Variants in ARFGAP2 observed in about 807,000 individuals in gnomAD.
ARFGAP2 encodes ARF GTPase activating protein 2.
A neutral mutation model predicts 71.9 loss-of-function variants in ARFGAP2; 45 were observed. That is an observed-to-expected ratio of 0.63 (90% CI 0.49 to 0.80). ARFGAP2 has a LOEUF of 0.80. Ranked by LOEUF, ARFGAP2 falls within the 30% of genes least tolerant of loss-of-function variation. The probability of loss-of-function intolerance (pLI) is 0.00; values close to 1 mark genes in which losing one functional copy is unlikely to be tolerated. For synonymous variants in ARFGAP2, 248 were observed against 249.2 expected (o/e 1.00, Z 0.05); for missense variants, 633 against 673.9 (o/e 0.94, Z 0.67).
intron 7 of ARFGAP2, chr11:47,173,216 A>G: frequency 1.6e-6 from 1 of 641,376 alleles, no homozygotes; most frequent in African/African-American, 1.8e-5. Context: ...CTTATACACC[A>G]GCCCACCCAG....
intron 10 of ARFGAP2, among the ~76,000 whole-genome samples, chr11:47,168,943 T>A (rs1351674265): frequency 6.6e-6 from 1 of 150,792 alleles, no homozygotes; most frequent in Non-Finnish European, 1.5e-5. Context: ...AAGGAATGGA[T>A]GAAGAAATGC....
At chr11:47,165,877 G>A (rs1952350484) in intron 15 of ARFGAP2, among the ~76,000 whole-genome samples, 2 of 151,748 alleles carry the variant, frequency 1.3e-5, no homozygotes, top group Admixed American at 1.3e-4. Context: ...TTTCGTTTGT[G>A]GTTTTTTTTT....
rs1258962854 is a variant in ARFGAP2, at chr11:47,176,303, G to A, written c.191+213C>T. The A allele has an allele frequency of 1.2e-5, 7 of 600,796 alleles. No homozygotes were observed. The Admixed American group carries it at 1.5e-4, about 13-fold the overall frequency. The allele number at this position is 600,796 out of a possible 1,614,324, so 37.2% of individuals were successfully genotyped here. On this transcript the variant is annotated intron_variant, in intron 2 of 15. Coordinates refer to ENST00000524782, the MANE Select transcript of ARFGAP2 (RefSeq NM_032389.6). ...AGTCTCAAGCCTGACCGTCAAAAAA[G>A]AGGAAGTTTTGGCCCAGAGGCGGAG...
intron 7 of ARFGAP2, chr11:47,172,724 G>A: frequency 7.7e-7 from 1 of 1,298,368 alleles, no homozygotes; most frequent in Non-Finnish European, 1.0e-6. Flanking sequence ...GGCAGGAAGG[G>A]CCCCTTTAGC....
At chr11:47,168,567 C>A (rs2135424142) in intron 10 of ARFGAP2, 1 of 227,724 alleles carries the variant, frequency 4.4e-6, no homozygotes, top group Middle Eastern at 1.8e-3. Context: ...GTCGCCCAGG[C>A]TGGAGTCCAG....
At position 47,168,257 on chromosome 11, in the gene ARFGAP2, C is replaced by T; in HGVS notation, c.942-6G>A. ...GCACGGAGTGGGAGACAGAGCTGCGCAGCAAAGCAGAGCCAGGCATGAGAC... is the reference window on the plus strand; with the variant it reads ...GCACGGAGTGGGAGACAGAGCTGCGTAGCAAAGCAGAGCCAGGCATGAGAC... On this transcript the variant is annotated splice_region_variant and splice_polypyrimidine_tract_variant and intron_variant, in intron 10 of 15. Transcript: ENST00000524782. 1 of 1,613,972 alleles carries T rather than the reference C, an allele frequency of 6.2e-7. No individual in the cohort carries two copies. Among genetic ancestry groups the T allele is most frequent in the Non-Finnish European group, 8.5e-7 (1 of 1,180,002 alleles).
In ARFGAP2 at chr11:47,168,267, G is replaced by A. The variant is rs919231600; in HGVS notation, c.942-16C>T. 2 of 1,613,842 alleles carry A rather than the reference G, an allele frequency of 1.2e-6. No individual in the cohort carries two copies. Among genetic ancestry groups the A allele is most frequent in the Non-Finnish European group, 1.7e-6 (2 of 1,179,994 alleles). ...GGAGACAGAGCTGCGCAGCAAAGCAGAGCCAGGCATGAGACCAAAGGATAG... is the reference window on the plus strand; with the variant it reads ...GGAGACAGAGCTGCGCAGCAAAGCAAAGCCAGGCATGAGACCAAAGGATAG... On this transcript the variant is annotated splice_polypyrimidine_tract_variant and intron_variant, in intron 10 of 15. Coordinates refer to ENST00000524782, the MANE Select transcript of ARFGAP2 (RefSeq NM_032389.6).
intron 7 of ARFGAP2, 108 bp from the exon 8 acceptor site, chr11:47,172,441 G>T: frequency 7.5e-7 from 1 of 1,330,024 alleles, no homozygotes; most frequent in Non-Finnish European, 1.1e-6. Flanking sequence ...ACAGCTTCAG[G>T]CAAGGGAAGG....
In ARFGAP2 at chr11:47,175,262, A is replaced by C. The variant is rs1371577966; in HGVS notation, c.316T>G (p.Tyr106Asp). Residue 106 changes from tyrosine (Y) to aspartate (D), a missense_variant, in exon 4 of 16, where the codon TAT becomes GAT. Physicochemically the swap from Tyr to Asp is radical, Grantham distance 160 (BLOSUM62 -3). Coordinates refer to ENST00000524782, the MANE Select transcript of ARFGAP2 (RefSeq NM_032389.6). ...GCTANDANTK[Y>D]NSRAAQMYRE... The stretch of plus-strand genomic sequence containing the variant: ...TACATCTGGGCAGCTCGGCTATTAT[A>C]TTTGGTGTTGGCATCATTGGCTGTG... 1 of 1,614,024 alleles carries C rather than the reference A, an allele frequency of 6.2e-7. No homozygotes were observed. The highest frequency in any genetic ancestry group is 8.5e-7 in the Non-Finnish European group (1 of 1,180,012).
At position 47,172,636 on chromosome 11, in the gene ARFGAP2, G is replaced by T. The variant is rs1024414418; in HGVS notation, c.620-303C>A. 3 of 1,328,538 alleles carry T rather than the reference G, an allele frequency of 2.3e-6. No homozygotes were observed. The African/African-American group carries it at 4.4e-5, about 20-fold the overall frequency. The allele number at this position is 1,328,538 out of a possible 1,614,324, so 82.3% of individuals were successfully genotyped here. The stretch of plus-strand genomic sequence containing the variant: ...AAGACTGCGAGGCAGGGAGCATATG[G>T]TGAGCACCAGGCTCCGCTTCTAAAG... On this transcript the variant is annotated intron_variant, in intron 7 of 15. Coordinates refer to ENST00000524782, the MANE Select transcript of ARFGAP2 (RefSeq NM_032389.6).
At position 47,164,994 on chromosome 11, in the gene ARFGAP2, G is replaced by T; in HGVS notation, c.*488C>A. Reference sequence around the variant, plus strand: ...TGGCAGCAGCAGCAGCAGCAAGTCCGCAGCCTCTTTCCCCATGGGACGGGT... The same window carrying T: ...TGGCAGCAGCAGCAGCAGCAAGTCCTCAGCCTCTTTCCCCATGGGACGGGT... On this transcript the variant is annotated 3_prime_UTR_variant, in exon 16 of 16. Transcript: ENST00000524782. 6.4e-6 allele frequency: 1 copy of T among 156,120 alleles called. No individual in the cohort carries two copies. Among genetic ancestry groups the T allele is most frequent in the Non-Finnish European group, 1.4e-5 (1 of 70,900 alleles). The allele number at this position is 156,120 out of a possible 1,614,324, so 9.7% of individuals were successfully genotyped here.
At chr11:47,170,517 C>T (rs569255883) in intron 10 of ARFGAP2, among the ~76,000 whole-genome samples, 2 of 152,006 alleles carry the variant, frequency 1.3e-5, no homozygotes, top group South Asian at 4.2e-4. Context: ...CACGGTGGTA[C>T]ACACCTGTAA....
Position 47,165,119 on chromosome 11 carries a change from C to T in ARFGAP2, c.*363G>A. ...TAGAGCCAGCAAAAAAAGCCTTCTACCTTCCGCTTTCCCTACCTGGGGAAA... is the reference window on the plus strand; with the variant it reads ...TAGAGCCAGCAAAAAAAGCCTTCTATCTTCCGCTTTCCCTACCTGGGGAAA... On this transcript the variant is annotated 3_prime_UTR_variant, in exon 16 of 16. Coordinates refer to ENST00000524782, the MANE Select transcript of ARFGAP2 (RefSeq NM_032389.6). The T allele has an allele frequency of 3.7e-6, 1 of 273,456 alleles. No individual in the cohort carries two copies. The highest frequency in any genetic ancestry group is 6.8e-6 in the Non-Finnish European group (1 of 146,348). The allele number at this position is 273,456 out of a possible 1,614,324, so 16.9% of individuals were successfully genotyped here.
In ARFGAP2 at chr11:47,172,082, C is replaced by T. The variant is rs1952622661; in HGVS notation, c.672+199G>A. 5.5e-6 allele frequency: 4 copies of T among 725,488 alleles called. No individual in the cohort carries two copies. The South Asian group carries it at 7.1e-5, about 13-fold the overall frequency. The allele number at this position is 725,488 out of a possible 1,614,324, so 44.9% of individuals were successfully genotyped here. A position where few individuals can be genotyped will look rare whatever the true frequency, so the allele number is the denominator to read the frequency against. On this transcript the variant is annotated intron_variant, in intron 8 of 15. Coordinates refer to ENST00000524782, the MANE Select transcript of ARFGAP2 (RefSeq NM_032389.6). ...GCCAAGCACTAGATGTGCTCCATCT[C>T]ACCGACTCCTCCCAGCAGCCCTTGA...
Position 47,171,513 on chromosome 11 carries a change from C to A in ARFGAP2, c.854G>T (p.Arg285Leu). The change falls in exon 10 of 16, where the codon CGT becomes CTT. Residue 285 changes from arginine to leucine, a missense_variant. Physicochemically the swap from Arg to Leu is moderately radical, Grantham distance 102 (BLOSUM62 -2). Transcript: ENST00000524782. ...CTGTAGCTTCTTTTCCTCTTTCTTA[C>A]GATCAATCTGGAGCTCCTGGTAGGC... Reference protein sequence around the residue: ...RLAYQELQIDRKKEEKKLQNL... With the variant: ...RLAYQELQIDLKKEEKKLQNL... The A allele has an allele frequency of 6.2e-7, 1 of 1,614,190 alleles. No individual in the cohort carries two copies. The highest frequency in any genetic ancestry group is 8.5e-7 in the Non-Finnish European group (1 of 1,180,046).
intron 2 of ARFGAP2, 128 bp downstream of exon 2, chr11:47,176,388 G>A (rs1448415617): frequency 2.2e-6 from 2 of 912,400 alleles, no homozygotes; most frequent in South Asian, 1.5e-5. Flanking sequence ...GGAGGCTACC[G>A]GACCCTCTCG....
At chr11:47,176,018 G>T (rs1952800594) in intron 2 of ARFGAP2, 95 bp from the exon 3 acceptor site, 2 of 1,274,616 alleles carry the variant, frequency 1.6e-6, no homozygotes, top group Non-Finnish European at 2.2e-6. Context: ...GCTGCTGTAG[G>T]CACCCAGGAA....
At chr11:47,171,041 G>A (rs1952578936) in intron 10 of ARFGAP2, among the ~76,000 whole-genome samples, 1 of 152,158 alleles carries the variant, frequency 6.6e-6, no homozygotes, top group Non-Finnish European at 1.5e-5. Context: ...GGGGATATGT[G>A]AGGGTATTAC....
At chr11:47,167,865 T>TAAAAAAAAAAAAAAAAAAAAAAAAAA (rs34204386) in intron 12 of ARFGAP2, 44 bp downstream of exon 12, 2 of 1,044,598 alleles carry the variant, frequency 1.9e-6, no homozygotes, top group African/African-American at 3.5e-5. Flanking sequence ...TCAGCTTGTT[T>TAAAAAAAAAAAAAAAAAAAAAAAAAA]AAAAAAAAAA....
Sources: gnomAD v4.1 joint callset for allele counts (sites outside exome capture counted in the v4.1 genomes callset) on GRCh38, gnomAD v4.1.1 for gene constraint, MANE v1.5 for transcripts, NCBI Gene and HGNC (gene_info 2026-07-23, HGNC 2026-07-21) for gene names.